Variants in MSRB3 observed in about 807,000 individuals in gnomAD.
MSRB3 encodes methionine-R-sulfoxide reductase B3.
In MSRB3, 13 loss-of-function variants were observed where a neutral mutation model predicts 21.0. The observed-to-expected ratio is 0.62, with a 90% confidence interval of 0.40 to 0.98. The LOEUF (loss-of-function observed/expected upper bound fraction) is 0.98. MSRB3 is among the 50% of genes least tolerant of loss of function. MSRB3 has a pLI of 0.00. For synonymous variants in MSRB3, 87 were observed against 88.6 expected (o/e 0.98, Z 0.10); for missense variants, 199 against 230.3 (o/e 0.86, Z 0.88).
At chr12:65,361,031 GA>G (rs1281220346) in intron 4 of MSRB3, among the ~76,000 whole-genome samples, 1 of 151,754 alleles carries the variant, frequency 6.6e-6, no homozygotes, top group African/African-American at 2.4e-5. Context: ...CCTCACATAA[GA>G]TCTTAACCAA....
At chr12:65,346,207 T>G (rs1876492718) in intron 4 of MSRB3, among the ~76,000 whole-genome samples, 1 of 152,206 alleles carries the variant, frequency 6.6e-6, no homozygotes, top group Non-Finnish European at 1.5e-5. Context: ...ACCAACAGTG[T>G]AAAAGTGTTC....
intron 2 of MSRB3, among the ~76,000 whole-genome samples, chr12:65,323,754 G>C (rs1321271278): frequency 6.6e-6 from 1 of 152,182 alleles, no homozygotes; most frequent in Non-Finnish European, 1.5e-5. Context: ...AAGTGAGTCT[G>C]ATAGGGAGAA....
intron 4 of MSRB3, among the ~76,000 whole-genome samples, chr12:65,364,272 G>A (rs1877878171): frequency 6.6e-6 from 1 of 152,152 alleles, no homozygotes; most frequent in Non-Finnish European, 1.5e-5. Flanking sequence ...CTAGCAACAA[G>A]GCAGTTGGGA....
At chr12:65,310,559 C>A (rs146024948) in intron 2 of MSRB3, among the ~76,000 whole-genome samples, 1 of 152,140 alleles carries the variant, frequency 6.6e-6, no homozygotes, top group African/African-American at 2.4e-5. Context: ...AAGTACCCAG[C>A]ATAGTTCTTG....
At chr12:65,322,660 C>CAAAAAAAAAA (rs34770864) in intron 2 of MSRB3, among the ~76,000 whole-genome samples, 4 of 87,614 alleles carry the variant, frequency 4.6e-5, no homozygotes, top group South Asian at 4.0e-4. Flanking sequence ...GACTCCATCT[C>CAAAAAAAAAA]AAAAAAAAAA....
At chr12:65,319,501 T>G (rs1874521478) in intron 2 of MSRB3, among the ~76,000 whole-genome samples, 1 of 152,180 alleles carries the variant, frequency 6.6e-6, no homozygotes, top group African/African-American at 2.4e-5. Context: ...TAACATCCTT[T>G]TTGTTAACTC....
intron 3 of MSRB3, among the ~76,000 whole-genome samples, 200 bp downstream of exon 3, chr12:65,327,134 AT>A (rs1875100585): frequency 1.3e-5 from 2 of 152,240 alleles, no homozygotes; most frequent in Admixed American, 1.3e-4. Context: ...CATTTAATGA[AT>A]ACTGCATATC....
chr12:65,374,936 G>A (rs1878519293), intron 5 of MSRB3, among the ~76,000 whole-genome samples: 1 of 151,482 alleles, frequency 6.6e-6, no homozygotes, highest in African/African-American at 2.4e-5. Flanking sequence ...TGCAAGCTCC[G>A]CCTCCCAGGT....
At chr12:65,309,716 T>A (rs995696209) in intron 2 of MSRB3, among the ~76,000 whole-genome samples, 5 of 152,138 alleles carry the variant, frequency 3.3e-5, no homozygotes, top group African/African-American at 1.2e-4. Flanking sequence ...TTGAGCTGAA[T>A]CTCAGACTGG....
chr12:65,295,136 G>A (rs535346064), intron 1 of MSRB3, among the ~76,000 whole-genome samples: 2 of 152,256 alleles, frequency 1.3e-5, no homozygotes, highest in South Asian at 4.1e-4. Context: ...GACCTTCCAT[G>A]TTTTATTCAC....
chr12:65,349,320 T>C (rs1876767617), intron 4 of MSRB3, among the ~76,000 whole-genome samples: 1 of 151,960 alleles, frequency 6.6e-6, no homozygotes, highest in Non-Finnish European at 1.5e-5. Context: ...GTTGGACATT[T>C]GGGTTGGTTC....
At chr12:65,442,488 C>A (rs1882430422) in intron 5 of MSRB3, among the ~76,000 whole-genome samples, 1 of 151,916 alleles carries the variant, frequency 6.6e-6, no homozygotes, top group Non-Finnish European at 1.5e-5. Flanking sequence ...ATCTGTATTT[C>A]TTTGAATTTC....
At chr12:65,363,728 G>A (rs71450810) in intron 4 of MSRB3, among the ~76,000 whole-genome samples, 282 of 152,242 alleles carry the variant, frequency 1.9e-3, no homozygotes, top group Non-Finnish European at 2.9e-3. Context: ...GCTCACACCT[G>A]TAATCCTAGC....
chr12:65,432,960 T>TA (rs1256594355), intron 5 of MSRB3, among the ~76,000 whole-genome samples: 1 of 151,868 alleles, frequency 6.6e-6, no homozygotes, highest in Non-Finnish European at 1.5e-5. Context: ...TAGCTATTAT[T>TA]AAAAAACAAC....
chr12:65,358,637 G>T (rs1420770152), intron 4 of MSRB3, among the ~76,000 whole-genome samples: 2 of 151,790 alleles, frequency 1.3e-5, no homozygotes, highest in Admixed American at 6.6e-5. Context: ...CCTAGTCCTA[G>T]AATCAGCCAT....
At chr12:65,337,272 A>AC (rs1209280579) in intron 4 of MSRB3, among the ~76,000 whole-genome samples, 4 of 151,650 alleles carry the variant, frequency 2.6e-5, no homozygotes, top group African/African-American at 9.7e-5. Context: ...ACAAAACAAA[A>AC]AAAAACCAAA....
At chr12:65,335,922 C>T (rs1028063830) in intron 4 of MSRB3, among the ~76,000 whole-genome samples, 2 of 152,112 alleles carry the variant, frequency 1.3e-5, no homozygotes, top group African/African-American at 2.4e-5. Flanking sequence ...AATCCTTTAA[C>T]GAAGAAAGCT....
chr12:65,354,445 ACTTCTCTTCTTG>A (rs1877254132), intron 4 of MSRB3, among the ~76,000 whole-genome samples: 1 of 151,574 alleles, frequency 6.6e-6, no homozygotes, highest in East Asian at 1.9e-4. Context: ...TTTTCTCTAA[ACTTCTCTTCTTG>A]CTTCATTTCA....
chr12:65,342,837 TAA>T (rs1260805314), intron 4 of MSRB3, among the ~76,000 whole-genome samples: 1 of 152,064 alleles, frequency 6.6e-6, no homozygotes, highest in Non-Finnish European at 1.5e-5. Context: ...TTTATAAGTC[TAA>T]AAGAGTATTA....
Sources: allele counts gnomAD v4.1 joint callset (sites outside exome capture counted in the v4.1 genomes callset), GRCh38; gene constraint gnomAD v4.1.1; transcripts MANE v1.5; gene names NCBI Gene and HGNC (gene_info 2026-07-23, HGNC 2026-07-21).